The following CPXM2 variants were observed in gnomAD, a reference collection of about 807,000 sequenced individuals.
The protein encoded by CPXM2 is carboxypeptidase X, M14 family member 2, also known as inactive carboxypeptidase-like protein X2.
Under a neutral mutation model 86.1 loss-of-function variants are expected in CPXM2, and 66 were observed. The ratio of observed to expected loss-of-function variants is 0.77; its 90% CI spans 0.63 to 0.94. The LOEUF is 0.94. CPXM2 is among the 40% of genes least tolerant of loss of function. CPXM2 has a pLI of 0.00. For missense variants in CPXM2, 948 were observed against 1,026.3 expected, an observed-to-expected ratio of 0.92 and a Z score of 1.04; for synonymous variants, 388 against 400.2, an observed-to-expected ratio of 0.97 and a Z score of 0.36.
chr10:123,767,282 A>C, intron 9 of CPXM2, 130 bp from the exon 10 acceptor site: 1 of 754,106 alleles, frequency 1.3e-6, no homozygotes. Flanking sequence ...CTTTGACCCA[A>C]AGATGGCATC....
rs1020438102 is a variant in CPXM2 at position 123,754,930 on chromosome 10, T to C, written c.1918-168A>G. On this transcript the variant is annotated intron_variant, in intron 12 of 13. Transcript: ENST00000241305. This position sits in a 1 kb window ranked among gnomAD's most constrained non-coding sequence, Gnocchi z 4.0. ...AACCGAAAAGCAGTTCATTGCTCACTGCATTGTTGGGTTCAATTAACAAGG... is the reference window on the plus strand; with the variant it reads ...AACCGAAAAGCAGTTCATTGCTCACCGCATTGTTGGGTTCAATTAACAAGG... Among the ~76,000 whole-genome samples the C allele has an allele frequency of 2.0e-5, 3 of 152,174 alleles. No homozygotes were observed. Among genetic ancestry groups the C allele is most frequent in the African/African-American group, 4.8e-5 (2 of 41,440 alleles).
intron 4 of CPXM2, among the ~76,000 whole-genome samples, chr10:123,826,607 T>C (rs1044441788): frequency 2.6e-5 from 4 of 151,990 alleles, no homozygotes; most frequent in African/African-American, 9.7e-5. Context: ...TATTGAGCAT[T>C]ATATAAAATT....
chr10:123,800,224 T>A (rs771517201), intron 4 of CPXM2, among the ~76,000 whole-genome samples: 11 of 151,634 alleles, frequency 7.3e-5, no homozygotes, highest in South Asian at 4.2e-4. Context: ...TCCGACTGAC[T>A]TGTCATGAAA....
At chr10:123,880,038 G>T (rs1364926229) in intron 2 of CPXM2, among the ~76,000 whole-genome samples, 173 bp downstream of exon 2, 2 of 152,212 alleles carry the variant, frequency 1.3e-5, no homozygotes, top group Non-Finnish European at 2.9e-5. Flanking sequence ...TGGTGCAGAA[G>T]CTGCCGTGAA....
chr10:123,916,505 A>G (rs17618205), intron 2 of CPXM2, among the ~76,000 whole-genome samples: 53,945 of 151,898 alleles, frequency 0.36, 9,997 homozygotes, highest in Middle Eastern at 0.56. Flanking sequence ...ATTCACTGCC[A>G]TTGACCAGTC....
chr10:123,803,367 C>A (rs1175400430), intron 4 of CPXM2, among the ~76,000 whole-genome samples: 1 of 152,032 alleles, frequency 6.6e-6, no homozygotes, highest in East Asian at 1.9e-4. Flanking sequence ...CCACCTTGGC[C>A]TCTCAGAGTG....
intron 4 of CPXM2, among the ~76,000 whole-genome samples, chr10:123,807,917 C>T (rs1204559205): frequency 6.6e-6 from 1 of 152,086 alleles, no homozygotes; most frequent in East Asian, 1.9e-4. Context: ...ACATTTAATT[C>T]TCTGCAACTG....
intron 10 of CPXM2, among the ~76,000 whole-genome samples, chr10:123,765,761 G>C (rs1589974468): frequency 6.6e-6 from 1 of 152,180 alleles, no homozygotes; most frequent in African/African-American, 2.4e-5. Context: ...GGAGGGCCTG[G>C]ATGACCCCGT....
chr10:123,811,161 T>A lies in CPXM2; in HGVS notation c.654-11962A>T, dbSNP rs553858526. Reference sequence around the variant, plus strand: ...TTTTTTTCTTTTTTCTTTTTTTTTTTATTATAATTTAAGTTCTAGGGTACA... The same window carrying A: ...TTTTTTTCTTTTTTCTTTTTTTTTTAATTATAATTTAAGTTCTAGGGTACA... On this transcript the variant is annotated intron_variant, in intron 4 of 13. Coordinates refer to ENST00000241305, the MANE Select transcript of CPXM2 (RefSeq NM_198148.3). Among the ~76,000 whole-genome samples, 20 of 147,672 alleles carry A rather than the reference T, an allele frequency of 1.4e-4. No individual in the cohort carries two copies. The East Asian group carries it at 2.7e-3, about 20-fold the overall frequency.
At chr10:123,777,544 C>A (rs569219059) in intron 7 of CPXM2, 3,066 of 6,976 alleles carry the variant, frequency 0.44, 39 homozygotes, top group Admixed American at 0.51. Context: ...ACCTAAAGAA[C>A]CTCCCAGACC....
intron 11 of CPXM2, among the ~76,000 whole-genome samples, chr10:123,759,896 C>G (rs1166335168): frequency 6.6e-6 from 1 of 152,110 alleles, no homozygotes; most frequent in Non-Finnish European, 1.5e-5. Context: ...CTCAACTGGG[C>G]CACTCCCCAT....
intron 8 of CPXM2, 30 bp from the exon 9 acceptor site, chr10:123,768,752 T>C (rs1190319023): frequency 6.3e-7 from 1 of 1,596,506 alleles, no homozygotes; most frequent in African/African-American, 1.3e-5. Flanking sequence ...GAAGCACAGG[T>C]TCACGTTGAA....
At chr10:123,855,737 C>A (rs1848709157) in intron 3 of CPXM2, among the ~76,000 whole-genome samples, 1 of 152,220 alleles carries the variant, frequency 6.6e-6, no homozygotes, top group Non-Finnish European at 1.5e-5. Flanking sequence ...AAATATCCCA[C>A]CTCATTTTAG....
intron 2 of CPXM2, among the ~76,000 whole-genome samples, chr10:123,918,353 T>C (rs1945551380): frequency 6.6e-6 from 1 of 151,642 alleles, no homozygotes; most frequent in African/African-American, 2.4e-5. Context: ...TACCTTACTC[T>C]CTATCTCTTC....
At chr10:123,785,323 G>A (rs151039839) in intron 6 of CPXM2, among the ~76,000 whole-genome samples, 10 of 152,102 alleles carry the variant, frequency 6.6e-5, no homozygotes, top group Admixed American at 2.0e-4. Context: ...TCCCTGCACC[G>A]CCCTTATGAT....
intron 6 of CPXM2, among the ~76,000 whole-genome samples, chr10:123,791,185 G>A (rs560348229): frequency 2.6e-5 from 4 of 152,204 alleles, no homozygotes; most frequent in South Asian, 2.1e-4. Flanking sequence ...AGGCTGAGGC[G>A]GGCAGATCAT....
intron 2 of CPXM2, among the ~76,000 whole-genome samples, chr10:123,898,331 G>A (rs1340773369): frequency 6.6e-6 from 1 of 152,144 alleles, no homozygotes; most frequent in Non-Finnish European, 1.5e-5. Flanking sequence ...GCACACACCT[G>A]TAGTCCCAAC....
chr10:123,762,090 T>A lies in CPXM2; in HGVS notation c.1559A>T (p.Glu520Val). ...FVLGGNLQGG[E>V]LVVAYPYDLV... ...GTCGTAGGGGTACGCCACCACCAGC[T>A]CGCCGCCCTGCAGGTTGCCGCCCAG... The change falls in exon 11 of 14, where the codon GAG (glutamate) becomes GTG (valine). Residue 520 changes from glutamate (E) to valine (V), a missense_variant. Coordinates refer to ENST00000241305, the MANE Select transcript of CPXM2 (RefSeq NM_198148.3). 1 of 1,614,088 alleles carries A rather than the reference T, an allele frequency of 6.2e-7. No individual in the cohort carries two copies. Among genetic ancestry groups the A allele is most frequent in the Non-Finnish European group, 8.5e-7 (1 of 1,180,010 alleles).
At chr10:123,830,483 G>T (rs1447804126) in intron 4 of CPXM2, among the ~76,000 whole-genome samples, 1 of 152,186 alleles carries the variant, frequency 6.6e-6, no homozygotes, top group Non-Finnish European at 1.5e-5. Context: ...CTTCATTTGT[G>T]CAAGGCACTG....
Sources: allele counts gnomAD v4.1 joint callset (sites outside exome capture counted in the v4.1 genomes callset), GRCh38; gene constraint gnomAD v4.1.1; non-coding constraint Gnocchi (gnomAD v3.1); transcripts MANE v1.5; gene names NCBI Gene and HGNC (gene_info 2026-07-23, HGNC 2026-07-21).